KLHL6: variants seen among roughly 807,000 people sequenced by gnomAD.
KLHL6 encodes kelch-like protein 6.
In KLHL6, 41 loss-of-function variants were observed where a neutral mutation model predicts 58.6. That is an observed-to-expected ratio of 0.70 (90% CI 0.55 to 0.91). The LOEUF (loss-of-function observed/expected upper bound fraction) is 0.91. Ranked by LOEUF, KLHL6 falls within the 40% of genes least tolerant of loss-of-function variation. The pLI is 0.00. For missense variants in KLHL6, 714 were observed against 805.6 expected (o/e 0.89, Z 1.38); for synonymous variants, 338 against 322.7 (o/e 1.05, Z -0.51).
At chr3:183,504,276 G>T (rs1717945548) in intron 3 of KLHL6, among the ~76,000 whole-genome samples, 1 of 152,106 alleles carries the variant, frequency 6.6e-6, no homozygotes, top group African/African-American at 2.4e-5. Context: ...TCTATCAGTT[G>T]GTAGGTATTA....
At chr3:183,550,065 C>T (rs1712859223) in intron 1 of KLHL6, among the ~76,000 whole-genome samples, 1 of 151,514 alleles carries the variant, frequency 6.6e-6, no homozygotes, top group Non-Finnish European at 1.5e-5. Flanking sequence ...ATGACCTATA[C>T]AAAACAAGAA....
chr3:183,503,933 T>C (rs1717935881), intron 3 of KLHL6, among the ~76,000 whole-genome samples: 1 of 152,046 alleles, frequency 6.6e-6, no homozygotes, highest in Non-Finnish European at 1.5e-5. Context: ...CCAAGACCAT[T>C]CCAGCAGGGA....
chr3:183,521,529 C>T (rs1185483965), intron 2 of KLHL6: 1 of 152,234 alleles, frequency 6.6e-6, no homozygotes, highest in Non-Finnish European at 1.5e-5. Flanking sequence ...CACTCTGAGG[C>T]ATGGACAGAG....
chr3:183,497,054 G>A (rs978114307), intron 4 of KLHL6, among the ~76,000 whole-genome samples: 1 of 151,232 alleles, frequency 6.6e-6, no homozygotes, highest in Non-Finnish European at 1.5e-5. Context: ...CGAAGCGGGC[G>A]GATCACTTGA....
chr3:183,554,891 G>A (rs112725400), intron 1 of KLHL6, among the ~76,000 whole-genome samples: 6,307 of 152,218 alleles, frequency 0.041, 170 homozygotes, highest in Non-Finnish European at 0.062. Context: ...TAAGCCGGGC[G>A]CAGCGTCTCA....
chr3:183,507,634 C>T (rs1343947723), intron 3 of KLHL6, among the ~76,000 whole-genome samples: 1 of 152,042 alleles, frequency 6.6e-6, no homozygotes. Flanking sequence ...AGGGTTTCAC[C>T]ATGTTGGCCA....
chr3:183,532,875 T>C (rs762628236), intron 1 of KLHL6, among the ~76,000 whole-genome samples: 2 of 152,218 alleles, frequency 1.3e-5, no homozygotes, highest in Non-Finnish European at 2.9e-5. Context: ...TTTAAGCACA[T>C]GTGTTCTCAC....
intron 1 of KLHL6, among the ~76,000 whole-genome samples, chr3:183,535,223 G>A (rs1327677380): frequency 6.6e-6 from 1 of 152,188 alleles, no homozygotes; most frequent in Non-Finnish European, 1.5e-5. Flanking sequence ...GATTACAGGC[G>A]TGAGCCAACG....
At chr3:183,550,775 A>C (rs186260588) in intron 1 of KLHL6, among the ~76,000 whole-genome samples, 177 of 152,170 alleles carry the variant, frequency 1.2e-3, no homozygotes, top group African/African-American at 3.9e-3. Context: ...TGGGCAACAG[A>C]CCAAGACCCT....
At chr3:183,533,421 C>G (rs1712223968) in intron 1 of KLHL6, among the ~76,000 whole-genome samples, 1 of 151,538 alleles carries the variant, frequency 6.6e-6, no homozygotes, top group Non-Finnish European at 1.5e-5. Context: ...CTATAGGCAC[C>G]CACACCCAAC....
chr3:183,519,484 T>C (rs1466505693), intron 2 of KLHL6, among the ~76,000 whole-genome samples: 1 of 152,196 alleles, frequency 6.6e-6, no homozygotes, highest in Non-Finnish European at 1.5e-5. Context: ...CCTGGAACTA[T>C]ATAAGCAACC....
At chr3:183,509,078 C>G (rs1220502025) in intron 2 of KLHL6, among the ~76,000 whole-genome samples, 1 of 152,040 alleles carries the variant, frequency 6.6e-6, no homozygotes, top group Non-Finnish European at 1.5e-5. Flanking sequence ...TCAGTTTCTT[C>G]AACAAATACA....
At position 183,499,636 on chromosome 3, in the gene KLHL6, C is replaced by G; in HGVS notation, c.1101G>C (p.Trp367Cys). ...EHELESENKK[W>C]VEFACVTLKN... ...TCAATGTCACGCATGCAAACTCCACCCACTTCTTATTCTCACTCTCCAGCT... is the reference window on the plus strand; with the variant it reads ...TCAATGTCACGCATGCAAACTCCACGCACTTCTTATTCTCACTCTCCAGCT... The change falls in exon 4 of 7, where the codon TGG becomes TGC. Residue 367 changes from tryptophan (W) to cysteine (C), a missense_variant. By Grantham distance (215) the Trp-to-Cys change is radical. Transcript: ENST00000341319. This position sits in a 1 kb window ranked among gnomAD's most constrained non-coding sequence, Gnocchi z 4.6. 6.2e-7 allele frequency: 1 copy of G among 1,607,468 alleles called. No homozygotes were observed. Among genetic ancestry groups the G allele is most frequent in the Non-Finnish European group, 8.5e-7 (1 of 1,176,980 alleles).
chr3:183,512,856 A>T (rs1272997473), intron 2 of KLHL6, among the ~76,000 whole-genome samples: 1 of 151,956 alleles, frequency 6.6e-6, no homozygotes, highest in East Asian at 1.9e-4. Context: ...GAGGCCAGGC[A>T]CAGTGGCTCA....
chr3:183,519,437 C>T (rs1711669840), intron 2 of KLHL6, among the ~76,000 whole-genome samples: 1 of 152,112 alleles, frequency 6.6e-6, no homozygotes, highest in South Asian at 2.1e-4. Context: ...AGGACAGATG[C>T]CTCTTTTTTC....
chr3:183,502,973 A>T (rs1304294504), intron 3 of KLHL6, among the ~76,000 whole-genome samples: 1 of 152,246 alleles, frequency 6.6e-6, no homozygotes, highest in Non-Finnish European at 1.5e-5. Flanking sequence ...TGGTGGCATC[A>T]TTACCACATT....
At chr3:183,535,423 C>T (rs1335389185) in intron 1 of KLHL6, among the ~76,000 whole-genome samples, 1 of 152,158 alleles carries the variant, frequency 6.6e-6, no homozygotes, top group Non-Finnish European at 1.5e-5. Flanking sequence ...AAATTTCACC[C>T]TCGTGAATGT....
At chr3:183,525,260 T>TAA (rs144357979) in intron 2 of KLHL6, among the ~76,000 whole-genome samples, 15 of 143,942 alleles carry the variant, frequency 1.0e-4, no homozygotes, top group Middle Eastern at 3.5e-3. Context: ...TGAGACTCTC[T>TAA]AAAAAAAAAA....
Position 183,491,751 on chromosome 3 carries a change from C to T in KLHL6, c.*176G>A, listed in dbSNP as rs1173319517. The T allele has an allele frequency of 2.1e-5, 10 of 484,088 alleles. No individual in the cohort carries two copies. The highest frequency in any genetic ancestry group is 1.6e-4 in the African/African-American group (8 of 50,732). 30.0% of individuals were successfully genotyped at this position (484,088 alleles called of 1,614,324 possible). On this transcript the variant is annotated 3_prime_UTR_variant, in exon 7 of 7. Coordinates refer to ENST00000341319, the MANE Select transcript of KLHL6 (RefSeq NM_130446.4). ...GGTAGGTCATGCAAACATTCCTGGC[C>T]GGTCTCAAGTGACCCCAAACTGTGA...
Sources: allele counts gnomAD v4.1 joint callset (sites outside exome capture counted in the v4.1 genomes callset), GRCh38; gene constraint gnomAD v4.1.1; non-coding constraint Gnocchi (gnomAD v3.1); transcripts MANE v1.5; gene names NCBI Gene and HGNC (gene_info 2026-07-23, HGNC 2026-07-21).